Variants in OR1F1 observed in about 807,000 individuals in gnomAD.
OR1F1 encodes olfactory receptor 1F1.
For missense variants in OR1F1, 493 were observed against 376.3 expected (o/e 1.31, Z -2.57); for synonymous variants, 184 against 156.7 (o/e 1.17, Z -1.30).
the OR1F1 span, among the ~76,000 whole-genome samples, chr16:3,192,701 C>T: frequency 2.0e-5 from 3 of 152,122 alleles, no homozygotes; most frequent in African/African-American, 7.2e-5. Flanking sequence ...CGCGCCGAGC[C>T]TGGAAAAGCG....
upstream of OR1F1, among the ~76,000 whole-genome samples, chr16:3,202,979 C>T (rs982483582): frequency 1.4e-5 from 2 of 138,478 alleles, no homozygotes; most frequent in South Asian, 2.1e-4. Flanking sequence ...AATCCCAGTA[C>T]AGCTTCACAG....
chr16:3,192,931 T>A, the OR1F1 span, among the ~76,000 whole-genome samples: 44 of 152,066 alleles, frequency 2.9e-4, no homozygotes, highest in Non-Finnish European at 5.0e-4. Flanking sequence ...AAAAAAGAGT[T>A]TTTAAAAATT....
At chr16:3,197,395 G>GAGAT in the OR1F1 span, among the ~76,000 whole-genome samples, 4 of 152,266 alleles carry the variant, frequency 2.6e-5, no homozygotes, top group East Asian at 7.7e-4. Context: ...CATTATCAAT[G>GAGAT]AGATAGGTTA....
the OR1F1 span, among the ~76,000 whole-genome samples, chr16:3,192,294 C>G: frequency 6.6e-6 from 1 of 152,208 alleles, no homozygotes; most frequent in Admixed American, 6.5e-5. Flanking sequence ...ACCTCGTGAT[C>G]CGCCCGCCTC....
At chr16:3,200,697 G>T (rs923155571), upstream of OR1F1, among the ~76,000 whole-genome samples, 24 of 152,180 alleles carry the variant, frequency 1.6e-4, no homozygotes, top group African/African-American at 5.5e-4. Flanking sequence ...TCTACAGAAG[G>T]GAAAGTACCT....
chr16:3,200,370 G>T (rs901501854), upstream of OR1F1, among the ~76,000 whole-genome samples: 19 of 152,194 alleles, frequency 1.2e-4, no homozygotes, highest in African/African-American at 4.3e-4. Flanking sequence ...ACTTTCGGAG[G>T]CCGAGAGGGG....
chr16:3,197,294 C>G, the OR1F1 span, among the ~76,000 whole-genome samples: 70 of 152,128 alleles, frequency 4.6e-4, no homozygotes, highest in African/African-American at 1.6e-3. Flanking sequence ...GCTGGGATTA[C>G]AGGTGTGAGC....
the OR1F1 span, among the ~76,000 whole-genome samples, chr16:3,191,070 C>T: frequency 3.9e-5 from 6 of 152,190 alleles, no homozygotes; most frequent in African/African-American, 1.2e-4. Flanking sequence ...CTTCTGTGAG[C>T]TCCCAGTGAG....
chr16:3,204,609 C>A (rs777586180), exon 1 of OR1F1: 1 of 1,614,160 alleles, frequency 6.2e-7, no homozygotes, highest in South Asian at 1.1e-5. Context: ...TGGCCTATGA[C>A]CACTTTGTCG....
In OR1F1 at chr16:3,204,758, A is replaced by T. The variant is rs779793592; in HGVS notation, c.512A>T (p.Asp171Val). 2.6e-5 allele frequency: 42 copies of T among 1,614,146 alleles called. 1 individual carries two copies. The East Asian group carries it at 3.6e-4, about 14-fold the overall frequency. The change falls in exon 1 of 1, where the codon GAC (aspartate) becomes GTC (valine). Residue 171 changes from aspartate (D) to valine (V), a missense_variant. Coordinates refer to ENST00000304646, the Ensembl canonical transcript of OR1F1. ...ATGGCTCCACTCTCATTCTGTGCAG[A>T]CAATGCCATCACTCACTTCTTCTGC...
At chr16:3,189,583 C>A in the OR1F1 span, among the ~76,000 whole-genome samples, 1 of 152,174 alleles carries the variant, frequency 6.6e-6, no homozygotes, top group Non-Finnish European at 1.5e-5. Flanking sequence ...CCCCAGCCGC[C>A]CCCAGGATGC....
At chr16:3,203,757 C>T (rs1049640639), upstream of OR1F1, among the ~76,000 whole-genome samples, 9 of 152,080 alleles carry the variant, frequency 5.9e-5, no homozygotes, top group Non-Finnish European at 1.3e-4. Context: ...AGCGAGACTC[C>T]GTTTAAAAAA....
At chr16:3,193,817 C>G in the OR1F1 span, among the ~76,000 whole-genome samples, 1 of 152,168 alleles carries the variant, frequency 6.6e-6, no homozygotes, top group Admixed American at 6.6e-5. Context: ...AGCTGGCATA[C>G]TTCCTTGAAT....
upstream of OR1F1, among the ~76,000 whole-genome samples, chr16:3,199,388 A>C (rs1481389189): frequency 1.3e-5 from 2 of 151,998 alleles, no homozygotes; most frequent in Non-Finnish European, 2.9e-5. Flanking sequence ...CATGCCTGTA[A>C]TCCCAGTATT....
chr16:3,192,231 T>C, the OR1F1 span, among the ~76,000 whole-genome samples: 3 of 152,184 alleles, frequency 2.0e-5, no homozygotes, highest in Non-Finnish European at 4.4e-5. Flanking sequence ...TAATTTTTTG[T>C]ATTTTTAGTA....
chr16:3,191,779 G>C, the OR1F1 span, among the ~76,000 whole-genome samples: 1 of 152,150 alleles, frequency 6.6e-6, no homozygotes, highest in Non-Finnish European at 1.5e-5. Context: ...AGAGGGGCGG[G>C]GGCGGGTGAG....
upstream of OR1F1, among the ~76,000 whole-genome samples, chr16:3,199,275 C>A (rs1958108842): frequency 6.6e-6 from 1 of 151,606 alleles, no homozygotes; most frequent in Admixed American, 6.6e-5. Context: ...TGCATTCCAG[C>A]CTAGGCAACA....
upstream of OR1F1, among the ~76,000 whole-genome samples, chr16:3,200,373 G>T (rs755398604): frequency 1.3e-5 from 2 of 152,172 alleles, no homozygotes; most frequent in East Asian, 1.9e-4. Context: ...TTCGGAGGCC[G>T]AGAGGGGCGG....
chr16:3,199,967 G>T (rs1329635679), upstream of OR1F1, among the ~76,000 whole-genome samples: 1 of 151,218 alleles, frequency 6.6e-6, no homozygotes, highest in African/African-American at 2.4e-5. Flanking sequence ...GGTGAACCGA[G>T]ATCATGCCAC....
Sources: gnomAD v4.1 joint callset for allele counts (sites outside exome capture counted in the v4.1 genomes callset) on GRCh38, gnomAD v4.1.1 for gene constraint, MANE v1.5 for transcripts, NCBI Gene and HGNC (gene_info 2026-07-23, HGNC 2026-07-21) for gene names.